The following MBD2 variants were observed in gnomAD, a reference collection of about 807,000 sequenced individuals.
MBD2 encodes methyl-CpG binding domain protein 2, also known as methyl-CpG-binding domain protein 2.
In MBD2, 9 loss-of-function variants were observed where a neutral mutation model predicts 39.3. The ratio of observed to expected loss-of-function variants is 0.23; its 90% CI spans 0.14 to 0.40. MBD2 has a LOEUF of 0.40. MBD2 is among the 10% of genes least tolerant of loss of function. The pLI is 1.00. For missense variants in MBD2, 458 were observed against 532.6 expected, an observed-to-expected ratio of 0.86 and a Z score of 1.38; for synonymous variants, 233 against 211.1, an observed-to-expected ratio of 1.10 and a Z score of -0.90.
At chr18:54,215,219 G>A (rs1359474217) in intron 1 of MBD2, among the ~76,000 whole-genome samples, 3 of 152,110 alleles carry the variant, frequency 2.0e-5, no homozygotes, top group African/African-American at 7.2e-5. Flanking sequence ...CAAACTTACT[G>A]GTCCTCAAGT....
At chr18:54,159,325 AAAC>A (rs2043331583) in intron 6 of MBD2, among the ~76,000 whole-genome samples, 1 of 152,224 alleles carries the variant, frequency 6.6e-6, no homozygotes, top group African/African-American at 2.4e-5. Flanking sequence ...GAGAAGAAAC[AAAC>A]AACAGCACAT....
chr18:54,187,569 C>T (rs192092805), intron 3 of MBD2: 7 of 446,356 alleles, frequency 1.6e-5, no homozygotes, highest in Admixed American at 1.3e-4. Flanking sequence ...CCTGTGGTTT[C>T]GTGACTATCA....
At chr18:54,205,206 A>C in intron 1 of MBD2, 49 bp from the exon 2 acceptor site, 1 of 1,526,096 alleles carries the variant, frequency 6.6e-7, no homozygotes, top group Non-Finnish European at 9.0e-7. Context: ...TATTCTCCAC[A>C]TAAGCCTTTT....
At chr18:54,202,924 G>A (rs372292096) in intron 2 of MBD2, 1 of 1,038,080 alleles carries the variant, frequency 9.6e-7, no homozygotes. Flanking sequence ...GTTCTGCCTG[G>A]AGTATGCAGG....
At chr18:54,177,876 A>G (rs1245599436) in intron 3 of MBD2, among the ~76,000 whole-genome samples, 12 of 134,602 alleles carry the variant, frequency 8.9e-5, no homozygotes, top group African/African-American at 3.1e-4. Context: ...CTGTTGCCCA[A>G]GCAGGAGTCA....
intron 3 of MBD2, among the ~76,000 whole-genome samples, chr18:54,178,778 C>A (rs1222950932): frequency 6.6e-6 from 1 of 152,126 alleles, no homozygotes; most frequent in Non-Finnish European, 1.5e-5. Context: ...ATACCTCATT[C>A]CACTTTTCAT....
chr18:54,169,002 T>C (rs946598037), intron 3 of MBD2, among the ~76,000 whole-genome samples: 5 of 152,118 alleles, frequency 3.3e-5, no homozygotes, highest in African/African-American at 1.2e-4. Flanking sequence ...GTAGGCATTA[T>C]GCTAAGTGAA....
chr18:54,199,238 T>C (rs545764767), intron 2 of MBD2, among the ~76,000 whole-genome samples: 15 of 152,352 alleles, frequency 9.8e-5, no homozygotes, highest in South Asian at 2.1e-4. Flanking sequence ...TTTCTATCCA[T>C]TGAAACTGGT....
At chr18:54,186,716 C>CA (rs2086289069) in intron 3 of MBD2, among the ~76,000 whole-genome samples, 1 of 152,108 alleles carries the variant, frequency 6.6e-6, no homozygotes, top group African/African-American at 2.4e-5. Flanking sequence ...AAGCATCCAG[C>CA]AAAAATTGTC....
In MBD2 at chr18:54,205,054, T is replaced by C; in HGVS notation, c.646A>G (p.Ser216Gly). 6.2e-7 allele frequency: 1 copy of C among 1,613,986 alleles called. No homozygotes were observed. The highest frequency in any genetic ancestry group is 8.5e-7 in the Non-Finnish European group (1 of 1,179,902). The change falls in exon 2 of 7, where the codon AGT (serine) becomes GGT (glycine). Residue 216 changes from serine to glycine, a missense_variant. Ser to Gly is a moderately conservative substitution (Grantham distance 56). Transcript: ENST00000256429. ...CTCTGTTTGTTCTTCTGTAATTTAC[T>C]AGGCATCATCTTTCCAGTTCTGAAG... is the stretch of plus-strand genomic sequence containing the variant. ...FDFRTGKMMP[S>G]KLQKNKQRLR...
At chr18:54,220,052 C>T (rs1212875766) in intron 1 of MBD2, among the ~76,000 whole-genome samples, 1 of 152,216 alleles carries the variant, frequency 6.6e-6, no homozygotes, top group Admixed American at 6.5e-5. Context: ...CCACCCGCCT[C>T]AGCCTCCCAA....
intron 1 of MBD2, 27 bp downstream of exon 1, chr18:54,223,991 A>ACC: frequency 2.1e-6 from 1 of 480,546 alleles, no homozygotes; most frequent in Non-Finnish European, 3.4e-6. Context: ...TGACCCCGCC[A>ACC]CCCCCTCCCC....
In MBD2 at chr18:54,188,992, G is replaced by A. The variant is rs77251753; in HGVS notation, c.722C>T (p.Thr241Ile). 6.2e-7 allele frequency: 1 copy of A among 1,606,740 alleles called. No individual in the cohort carries two copies. The highest frequency in any genetic ancestry group is 8.5e-7 in the Non-Finnish European group (1 of 1,175,292). ...NQNKGKPDLN[T>I]TLPIRQTASI... is the part of the protein sequence containing the mutation. ...TGCTGTTTGTCTAATTGGCAATGTT[G>A]TATTCAAGTCTGGTTTACCCTGTGA... Residue 241 changes from threonine to isoleucine, a missense_variant, in exon 3 of 7, where the codon ACA (threonine) becomes ATA (isoleucine). Physicochemically the swap from Thr to Ile is moderately conservative, Grantham distance 89 (BLOSUM62 -1). Coordinates refer to ENST00000256429, the MANE Select transcript of MBD2 (RefSeq NM_003927.5).
At chr18:54,174,459 G>A (rs1033646691) in intron 3 of MBD2, among the ~76,000 whole-genome samples, 1 of 152,134 alleles carries the variant, frequency 6.6e-6, no homozygotes, top group African/African-American at 2.4e-5. Flanking sequence ...CTCATTCATG[G>A]GCCTTAGAAG....
intron 3 of MBD2, among the ~76,000 whole-genome samples, chr18:54,171,860 A>T (rs2086181680): frequency 6.6e-6 from 1 of 152,234 alleles, no homozygotes; most frequent in African/African-American, 2.4e-5. Flanking sequence ...GGGGAACTTA[A>T]ATAACTTACA....
chr18:54,216,579 C>T (rs556865640), intron 1 of MBD2, among the ~76,000 whole-genome samples: 1 of 152,270 alleles, frequency 6.6e-6, no homozygotes, highest in East Asian at 1.9e-4. Context: ...TAAGAGTTAA[C>T]AGAGTAATAC....
intron 3 of MBD2, among the ~76,000 whole-genome samples, chr18:54,180,298 T>C (rs976778232): frequency 1.3e-5 from 2 of 152,132 alleles, no homozygotes; most frequent in African/African-American, 4.8e-5. Context: ...ATATTTTTGA[T>C]GAGCATGTGG....
intron 3 of MBD2, among the ~76,000 whole-genome samples, chr18:54,176,998 T>C (rs2025213966): frequency 6.6e-6 from 1 of 152,214 alleles, no homozygotes; most frequent in African/African-American, 2.4e-5. Flanking sequence ...TTGCCATGAA[T>C]ACTCTCTAAC....
At chr18:54,173,876 A>C (rs1283450850) in intron 3 of MBD2, among the ~76,000 whole-genome samples, 2 of 152,216 alleles carry the variant, frequency 1.3e-5, no homozygotes, top group African/African-American at 4.8e-5. Context: ...CTTTTAATTA[A>C]GATTTCCTAA....
Sources: allele counts gnomAD v4.1 joint callset (sites outside exome capture counted in the v4.1 genomes callset), GRCh38; gene constraint gnomAD v4.1.1; transcripts MANE v1.5; gene names NCBI Gene and HGNC (gene_info 2026-07-23, HGNC 2026-07-21).